Variants in AFF2 observed in about 807,000 individuals in gnomAD.
AFF2 encodes the protein ALF transcription elongation factor 2, also known as AF4/FMR2 family member 2.
A neutral mutation model predicts 76.9 loss-of-function variants in AFF2; 14 were observed. The observed-to-expected ratio is 0.18, with a 90% CI of 0.12 to 0.28. The LOEUF (loss-of-function observed/expected upper bound fraction) is 0.28. AFF2 is among the 10% of genes least tolerant of loss of function. The pLI, the probability that AFF2 is intolerant of heterozygous loss-of-function variation, is 1.00. For synonymous variants in AFF2, 398 were observed against 366.7 expected, an observed-to-expected ratio of 1.09 and a Z score of -0.98; for missense variants, 868 against 1,001.1, an observed-to-expected ratio of 0.87 and a Z score of 1.79.
chrX:148,993,186 G>A lies in AFF2; in HGVS notation c.*1854G>A, dbSNP rs2072553434. 8.9e-6 allele frequency: 1 copy of A among 112,770 alleles called. No individual in the cohort carries two copies. The highest frequency in any genetic ancestry group is 1.9e-5 in the Non-Finnish European group (1 of 53,331). The allele number at this position is 112,770 out of a possible 1,213,427, so 9.3% of individuals were successfully genotyped here. ...CATGTTGTTAATATGGCTGATGGGA[G>A]CATCCCTGCAGCTGAACCCAGCACT... On this transcript the variant is annotated 3_prime_UTR_variant, in exon 21 of 21. Transcript: ENST00000370460.
At chrX:148,783,936 C>G (rs1402198299) in intron 3 of AFF2, among the ~76,000 whole-genome samples, 1 of 111,703 alleles carries the variant, frequency 9.0e-6, no homozygotes, top group Admixed American at 9.5e-5. Context: ...TTAGCAGTAG[C>G]CCTGGGTCTC....
chrX:148,785,598 A>G (rs1248007163), intron 3 of AFF2, among the ~76,000 whole-genome samples: 1 of 111,414 alleles, frequency 9.0e-6, no homozygotes, highest in Non-Finnish European at 1.9e-5. Flanking sequence ...AAGGTATGCT[A>G]TAGATATGTT....
intron 3 of AFF2, among the ~76,000 whole-genome samples, chrX:148,778,380 G>T (rs782047682): frequency 8.9e-6 from 1 of 111,796 alleles, no homozygotes; most frequent in Non-Finnish European, 1.9e-5. Context: ...ATGAGTTAGG[G>T]AGGAGTCCTT....
At chrX:148,908,301 G>T (rs2071431678) in intron 9 of AFF2, among the ~76,000 whole-genome samples, 1 of 112,081 alleles carries the variant, frequency 8.9e-6, no homozygotes, top group Non-Finnish European at 1.9e-5. Flanking sequence ...GTATTGATTG[G>T]GGAAGTGATA....
At chrX:148,863,515 C>G (rs1036105354) in intron 7 of AFF2, among the ~76,000 whole-genome samples, 1 of 111,850 alleles carries the variant, frequency 8.9e-6, no homozygotes, top group African/African-American at 3.3e-5. Context: ...TGCCTATTCA[C>G]TGAGGTCTGG....
At chrX:148,963,669 A>G (rs1162012623) in intron 13 of AFF2, among the ~76,000 whole-genome samples, 1 of 112,010 alleles carries the variant, frequency 8.9e-6, no homozygotes, top group Non-Finnish European at 1.9e-5. Context: ...TCATGGCTGA[A>G]TTCAGCCATT....
chrX:148,863,461 G>A (rs1048689847), intron 7 of AFF2, among the ~76,000 whole-genome samples: 9 of 111,671 alleles, frequency 8.1e-5, no homozygotes, highest in African/African-American at 2.9e-4. Context: ...CTATGAAGTG[G>A]CCATTCAACT....
intron 2 of AFF2, among the ~76,000 whole-genome samples, chrX:148,658,930 G>T (rs1222551685): frequency 8.9e-6 from 1 of 111,999 alleles, no homozygotes; most frequent in Non-Finnish European, 1.9e-5. Context: ...AATGTATTGA[G>T]TATTTGATTA....
Position 148,662,312 on chromosome X carries a change from C to G in AFF2, c.585C>G (p.Asp195Glu). The change falls in exon 3 of 21, where the codon GAC becomes GAG. Residue 195 changes from aspartate to glutamate, a missense_variant. By Grantham distance (45) the Asp-to-Glu change is conservative. Around this residue, in one of 6 missense-constraint regions of AFF2, gnomAD observed 196 missense variants for 194.8 expected, o/e 1.01. Transcript: ENST00000370460. ...TQDQSQAKLE[D>E]FFVYPAEQPQ... ...ACCAGTCTCAAGCCAAACTGGAAGA[C>G]TTCTTTGTCTACCCAGCTGAACAGC... The G allele has an allele frequency of 8.3e-7, 1 of 1,212,061 alleles. No individual in the cohort carries two copies. The highest frequency in any genetic ancestry group is 1.8e-5 in the South Asian group (1 of 57,006).
intron 3 of AFF2, among the ~76,000 whole-genome samples, chrX:148,723,919 CTTTTTTT>C (rs782084454): frequency 3.5e-5 from 3 of 84,584 alleles, no homozygotes; most frequent in Non-Finnish European, 4.7e-5. Context: ...TTTCTTTTTT[CTTTTTTT>C]TTTTTTTTGG....
intron 12 of AFF2, among the ~76,000 whole-genome samples, chrX:148,962,256 G>A (rs1436260860): frequency 8.9e-6 from 1 of 112,430 alleles, no homozygotes; most frequent in African/African-American, 3.2e-5. Context: ...TCTTAAGAAA[G>A]TATTCTTCCA....
At chrX:148,588,256 G>A (rs910597790) in intron 1 of AFF2, among the ~76,000 whole-genome samples, 4 of 112,604 alleles carry the variant, frequency 3.6e-5, no homozygotes, top group Non-Finnish European at 7.5e-5. Flanking sequence ...CAATTATGTG[G>A]GTCTGTCAAA....
intron 3 of AFF2, among the ~76,000 whole-genome samples, chrX:148,723,580 G>A (rs1335261474): frequency 8.9e-6 from 1 of 112,004 alleles, no homozygotes; most frequent in Non-Finnish European, 1.9e-5. Flanking sequence ...AAACAGGAAC[G>A]TTCGGTACCA....
At chrX:148,699,484 A>G (rs1475986193) in intron 3 of AFF2, among the ~76,000 whole-genome samples, 1 of 111,801 alleles carries the variant, frequency 8.9e-6, no homozygotes, top group African/African-American at 3.3e-5. Context: ...CTATAATGCC[A>G]TCTGGGTGGT....
chrX:148,640,153 T>C (rs1431228445), intron 1 of AFF2, among the ~76,000 whole-genome samples: 1 of 112,601 alleles, frequency 8.9e-6, no homozygotes, highest in Non-Finnish European at 1.9e-5. Flanking sequence ...ATCATTTACA[T>C]GTGTCATGTT....
At chrX:148,870,057 C>T (rs1288416630) in intron 7 of AFF2, among the ~76,000 whole-genome samples, 2 of 111,233 alleles carry the variant, frequency 1.8e-5, no homozygotes, top group Non-Finnish European at 3.8e-5. Flanking sequence ...AGCCCATTTC[C>T]TGAATTTCCC....
At chrX:148,569,978 T>TAC (rs1266594612) in intron 1 of AFF2, among the ~76,000 whole-genome samples, 1 of 111,833 alleles carries the variant, frequency 8.9e-6, no homozygotes, top group Non-Finnish European at 1.9e-5. Flanking sequence ...ACTGGCTTGA[T>TAC]TGATATATAC....
intron 1 of AFF2, among the ~76,000 whole-genome samples, chrX:148,512,668 T>C (rs782172397): frequency 8.9e-6 from 1 of 112,440 alleles, no homozygotes; most frequent in South Asian, 3.6e-4. Flanking sequence ...ATCTGTCTGT[T>C]AAAATTACAT....
chrX:148,756,212 G>A (rs2055559390), intron 3 of AFF2, among the ~76,000 whole-genome samples: 1 of 112,605 alleles, frequency 8.9e-6, no homozygotes, highest in South Asian at 3.6e-4. Context: ...AATAAACCAT[G>A]TGAAGTGCTT....
Sources: gnomAD v4.1 joint callset for allele counts (sites outside exome capture counted in the v4.1 genomes callset) on GRCh38, gnomAD v4.1.1 for gene constraint, gnomAD v4.1.1 regional missense constraint, MANE v1.5 for transcripts, NCBI Gene and HGNC (gene_info 2026-07-23, HGNC 2026-07-21) for gene names.